CDKAL1: variants seen among roughly 807,000 people sequenced by gnomAD.
CDKAL1 encodes threonylcarbamoyladenosine tRNA methylthiotransferase.
A neutral mutation model predicts 68.2 loss-of-function variants in CDKAL1; 32 were observed. The observed-to-expected ratio is 0.47, with a 90% CI of 0.35 to 0.63. CDKAL1 has a LOEUF of 0.63. Among genes scored for constraint, CDKAL1 ranks in the 30% least tolerant of loss-of-function variants. The pLI is 0.00. For synonymous variants in CDKAL1, 234 were observed against 244.3 expected, an observed-to-expected ratio of 0.96 and a Z score of 0.39; for missense variants, 606 against 696.7, an observed-to-expected ratio of 0.87 and a Z score of 1.47.
chr6:20,832,464 T>A (rs1450574180), intron 8 of CDKAL1, among the ~76,000 whole-genome samples: 2 of 150,218 alleles, frequency 1.3e-5, no homozygotes, highest in African/African-American at 4.9e-5. Flanking sequence ...TGAGACCCTG[T>A]CTCTAATTAA....
chr6:20,622,306 A>T (rs1004897654), intron 4 of CDKAL1, among the ~76,000 whole-genome samples: 1 of 151,986 alleles, frequency 6.6e-6, no homozygotes, highest in Non-Finnish European at 1.5e-5. Flanking sequence ...CCAAGGAAAA[A>T]ATTCTTCATG....
At chr6:20,737,757 GT>G (rs1773261665) in intron 5 of CDKAL1, among the ~76,000 whole-genome samples, 1 of 152,124 alleles carries the variant, frequency 6.6e-6, no homozygotes, top group Admixed American at 6.5e-5. Context: ...AGTCAGATTT[GT>G]TTTTATTTCG....
At chr6:21,064,850 G>T (rs961300650) in intron 11 of CDKAL1, among the ~76,000 whole-genome samples, 198 bp from the exon 12 acceptor site, 12 of 152,118 alleles carry the variant, frequency 7.9e-5, no homozygotes, top group Non-Finnish European at 1.2e-4. Context: ...TTTAAGATGG[G>T]TTTCCCTGGA....
At chr6:21,217,625 G>A (rs975831700) in intron 15 of CDKAL1, among the ~76,000 whole-genome samples, 2 of 152,088 alleles carry the variant, frequency 1.3e-5, no homozygotes, top group Non-Finnish European at 2.9e-5. Flanking sequence ...AGCCTCCCAA[G>A]TAGCTGGGAT....
chr6:20,945,385 C>T (rs146223696), intron 9 of CDKAL1, among the ~76,000 whole-genome samples: 4 of 152,232 alleles, frequency 2.6e-5, no homozygotes, highest in African/African-American at 9.6e-5. Context: ...CCCTCTGTCC[C>T]AAGCATTTTG....
At position 20,646,980 on chromosome 6, in the gene CDKAL1, G is replaced by A. The variant is rs536139386; in HGVS notation, c.287-2313G>A. Reference sequence around the variant, plus strand: ...GGCTGGTCTCGAACTCCTAACCTCAGGTGATCCACCCGCCTCGGCCTCCCA... The same window carrying A: ...GGCTGGTCTCGAACTCCTAACCTCAAGTGATCCACCCGCCTCGGCCTCCCA... On this transcript the variant is annotated intron_variant, in intron 4 of 15. Transcript: ENST00000274695. Among the ~76,000 whole-genome samples the A allele has an allele frequency of 4.8e-3, 737 of 151,986 alleles. 1 individual carries two copies. The highest frequency in any genetic ancestry group is 6.9e-3 in the Non-Finnish European group (471 of 67,918).
At chr6:21,173,000 TTTGTCTTTTATCTTTTTTTTTTTTTTC>T (rs937902612) in intron 13 of CDKAL1, among the ~76,000 whole-genome samples, 26 of 148,778 alleles carry the variant, frequency 1.7e-4, no homozygotes, top group Non-Finnish European at 3.3e-4. Flanking sequence ...CATTCCTCAT[TTTGTCTTTTATCTTTTTTTTTTTTTTC>T]TTGATTGGCT....
intron 8 of CDKAL1, among the ~76,000 whole-genome samples, chr6:20,803,771 A>T (rs1456023342): frequency 6.6e-6 from 1 of 152,158 alleles, no homozygotes; most frequent in African/African-American, 2.4e-5. Flanking sequence ...GAATGGCAGA[A>T]ATAGAAAATA....
At chr6:20,890,496 G>T (rs149632826) in intron 9 of CDKAL1, among the ~76,000 whole-genome samples, 2 of 152,150 alleles carry the variant, frequency 1.3e-5, no homozygotes, top group Non-Finnish European at 2.9e-5. Flanking sequence ...AAGAAAAAAC[G>T]TTTATAAAAT....
At chr6:20,784,591 G>C (rs1775589852) in intron 8 of CDKAL1, among the ~76,000 whole-genome samples, 1 of 150,910 alleles carries the variant, frequency 6.6e-6, no homozygotes, top group African/African-American at 2.4e-5. Flanking sequence ...CACCCAGCTA[G>C]CTTTTGTATT....
intron 15 of CDKAL1, among the ~76,000 whole-genome samples, chr6:21,222,987 C>A (rs972212293): frequency 2.6e-5 from 4 of 152,080 alleles, no homozygotes; most frequent in African/African-American, 9.7e-5. Context: ...ATCTACAGGT[C>A]ACAATTACAA....
intron 5 of CDKAL1, among the ~76,000 whole-genome samples, chr6:20,666,286 T>C (rs1209574093): frequency 1.3e-5 from 2 of 151,814 alleles, no homozygotes; most frequent in Admixed American, 6.6e-5. Context: ...TTTTTTTTTT[T>C]CCCAGTAGGC....
intron 4 of CDKAL1, among the ~76,000 whole-genome samples, chr6:20,632,504 A>G (rs141998503): frequency 6.6e-6 from 1 of 152,304 alleles, no homozygotes; most frequent in East Asian, 1.9e-4. Context: ...TTCTGTTAGA[A>G]CAAGAAGATC....
chr6:20,834,998 G>A (rs1301644794), intron 8 of CDKAL1, among the ~76,000 whole-genome samples: 1 of 152,068 alleles, frequency 6.6e-6, no homozygotes, highest in African/African-American at 2.4e-5. Context: ...TAGTGTTGAT[G>A]AAAAAAGCCA....
chr6:21,152,812 C>A (rs2151051441), intron 13 of CDKAL1, among the ~76,000 whole-genome samples: 1 of 152,290 alleles, frequency 6.6e-6, no homozygotes, highest in East Asian at 1.9e-4. Context: ...AAACACAGAT[C>A]CCTATCATTC....
intron 12 of CDKAL1, among the ~76,000 whole-genome samples, chr6:21,070,922 T>TA (rs1771739723): frequency 6.6e-6 from 1 of 152,200 alleles, no homozygotes; most frequent in Non-Finnish European, 1.5e-5. Flanking sequence ...CCTAGACCTG[T>TA]TCAGTCACCG....
chr6:20,962,539 C>T (rs1465152182), intron 10 of CDKAL1, among the ~76,000 whole-genome samples: 4 of 152,048 alleles, frequency 2.6e-5, no homozygotes, highest in Non-Finnish European at 4.4e-5. Flanking sequence ...TTGCCTTTGC[C>T]GAGTTTTAAA....
intron 9 of CDKAL1, among the ~76,000 whole-genome samples, chr6:20,886,007 A>G (rs541243875): frequency 1.3e-5 from 2 of 152,312 alleles, no homozygotes; most frequent in African/African-American, 4.8e-5. Flanking sequence ...ACGACACTCC[A>G]GCCTGAGAAA....
chr6:21,229,961 G>C (rs1779893247), intron 15 of CDKAL1, among the ~76,000 whole-genome samples: 1 of 150,656 alleles, frequency 6.6e-6, no homozygotes, highest in Non-Finnish European at 1.5e-5. Flanking sequence ...TGCCCAAGCA[G>C]GGTTTCCCAA....
Sources: allele counts gnomAD v4.1 joint callset (sites outside exome capture counted in the v4.1 genomes callset), GRCh38; gene constraint gnomAD v4.1.1; transcripts MANE v1.5; gene names NCBI Gene and HGNC (gene_info 2026-07-23, HGNC 2026-07-21).